The following FBN2 variants were observed in gnomAD, a reference collection of about 807,000 sequenced individuals.
FBN2 encodes the protein fibrillin-2.
In FBN2, 105 loss-of-function variants were observed where a neutral mutation model predicts 355.6. That is an observed-to-expected ratio of 0.30 (90% CI 0.25 to 0.35). The LOEUF is 0.35. Among genes scored for constraint, FBN2 ranks in the 10% least tolerant of loss-of-function variants. FBN2 has a pLI of 1.00. For missense variants in FBN2, 3,280 were observed against 3,758.7 expected, an observed-to-expected ratio of 0.87 and a Z score of 3.33; for synonymous variants, 1,350 against 1,301.2, an observed-to-expected ratio of 1.04 and a Z score of -0.81.
At chr5:128,291,797 T>C in intron 48 of FBN2, 143 bp from the exon 49 acceptor site, 1 of 895,644 alleles carries the variant, frequency 1.1e-6, no homozygotes, top group South Asian at 1.5e-5. Flanking sequence ...AAATAAACTA[T>C]TATTGCTTCA....
At chr5:128,260,188 T>C (rs771391229) in intron 64 of FBN2, among the ~76,000 whole-genome samples, 9 of 152,120 alleles carry the variant, frequency 5.9e-5, no homozygotes, top group Non-Finnish European at 1.2e-4. Context: ...AAAATTTAGG[T>C]AATGATTTTT....
At position 128,421,613 on chromosome 5, in the gene FBN2, A is replaced by T. The variant is rs77672096; in HGVS notation, c.953-12814T>A. Among the ~76,000 whole-genome samples the T allele has an allele frequency of 7.5e-3, 1,144 of 152,292 alleles. 11 individuals are homozygous for T. The highest frequency in any genetic ancestry group is 0.025 in the Admixed American group (379 of 15,290). On this transcript the variant is annotated intron_variant, in intron 7 of 64. Transcript: ENST00000262464. ...TGGGTATAGACAGTTGAAACCATCA[A>T]TGTGGATAAAATCAGTTGAGATGAA...
chr5:128,392,660 G>A (rs887991166), intron 10 of FBN2, among the ~76,000 whole-genome samples: 1 of 152,200 alleles, frequency 6.6e-6, no homozygotes, highest in Non-Finnish European at 1.5e-5. Context: ...GGAAAGATAT[G>A]TACGTTACAA....
chr5:128,273,943 A>C lies in FBN2; in HGVS notation c.7737T>G (p.Pro2579=). 1 of 1,614,014 alleles carries C rather than the reference A, an allele frequency of 6.2e-7. No homozygotes were observed. Among genetic ancestry groups the C allele is most frequent in the Non-Finnish European group, 8.5e-7 (1 of 1,179,930 alleles). ...AGATTCCCTTTGCTCCACAAAGCGAAGGTTGAGACCCACATTCGTTGTTGT... is the reference window on the plus strand; with the variant it reads ...AGATTCCCTTTGCTCCACAAAGCGACGGTTGAGACCCACATTCGTTGTTGT... ...CIDNNECGSQ[P]SLCGAKGICQ... The change falls in exon 61 of 65, where the codon CCT becomes CCG. Residue 2579 remains proline (P), a synonymous_variant. Coordinates refer to ENST00000262464, the MANE Select transcript of FBN2 (RefSeq NM_001999.4).
At position 128,330,621 on chromosome 5, in the gene FBN2, G is replaced by T; in HGVS notation, c.4297C>A (p.Arg1433Ser). 1.2e-6 allele frequency: 2 copies of T among 1,613,968 alleles called. No individual in the cohort carries two copies. The highest frequency in any genetic ancestry group is 1.7e-6 in the Non-Finnish European group (2 of 1,179,910). ...AQCVNTPGSY[R>S]CACSEGFTGD... ...GTGAAACCTTCGGAGCAGGCACAGC[G>T]GTATGAGCCCGGGGTATTTACACAC... The change falls in exon 33 of 65, where the codon CGC becomes AGC. Residue 1433 changes from arginine to serine, a missense_variant. By Grantham distance (110) the Arg-to-Ser change is moderately radical (BLOSUM62 -1). This residue lies in a region of FBN2 where 2,284 missense variants were observed against 2,749.5 expected (regional missense o/e 0.83). Transcript: ENST00000262464.
At chr5:128,286,033 G>T (rs1187626985) in intron 55 of FBN2, among the ~76,000 whole-genome samples, 2 of 152,098 alleles carry the variant, frequency 1.3e-5, no homozygotes, top group South Asian at 2.1e-4. Context: ...TTAGCATTTT[G>T]CCCTGTGCTA....
intron 5 of FBN2, among the ~76,000 whole-genome samples, chr5:128,515,356 C>T (rs1756253105): frequency 1.3e-5 from 2 of 152,184 alleles, no homozygotes; most frequent in Admixed American, 1.3e-4. Flanking sequence ...TTGTCATCAT[C>T]ATCTTCCCAC....
At chr5:128,522,803 A>G (rs2112792441) in intron 4 of FBN2, among the ~76,000 whole-genome samples, 1 of 152,334 alleles carries the variant, frequency 6.6e-6, no homozygotes, top group East Asian at 1.9e-4. Context: ...GAGTCAGAAA[A>G]AAATTGGAAA....
chr5:128,489,375 T>C (rs1320594462), intron 5 of FBN2, among the ~76,000 whole-genome samples: 1 of 152,224 alleles, frequency 6.6e-6, no homozygotes, highest in Non-Finnish European at 1.5e-5. Flanking sequence ...TTATTTGGAA[T>C]TTTTGTCTTT....
chr5:128,462,788 G>A lies in FBN2; in HGVS notation c.826+1936C>T, dbSNP rs561911131. Among the ~76,000 whole-genome samples the A allele has an allele frequency of 2.3e-4, 35 of 152,244 alleles. 1 individual carries two copies. In the Middle Eastern group the frequency reaches 0.024, roughly 104 times the overall value. ...AAAGTCAATAATTTGGAATGTTTTG[G>A]TTGAAGTTAAAGGCTTTTCTTAACC... On this transcript the variant is annotated intron_variant, in intron 6 of 64. Transcript: ENST00000262464.
At chr5:128,272,263 AGG>A in intron 61 of FBN2, 145 bp from the exon 62 acceptor site, 2 of 924,724 alleles carry the variant, frequency 2.2e-6, no homozygotes, top group East Asian at 5.3e-5. Context: ...TCATTTTTCC[AGG>A]TCACATGGTT....
intron 2 of FBN2, among the ~76,000 whole-genome samples, chr5:128,532,055 G>C (rs1756724089): frequency 1.3e-5 from 2 of 152,244 alleles, no homozygotes; most frequent in East Asian, 1.9e-4. Context: ...CTTCACAGGA[G>C]ACAGACAACA....
chr5:128,420,521 T>C (rs1013783224), intron 7 of FBN2, among the ~76,000 whole-genome samples: 28 of 152,188 alleles, frequency 1.8e-4, no homozygotes, highest in African/African-American at 5.8e-4. Flanking sequence ...AAAAAACAAA[T>C]GTTAGCTTTA....
At chr5:128,496,813 A>G (rs913766614) in intron 5 of FBN2, among the ~76,000 whole-genome samples, 10 of 151,864 alleles carry the variant, frequency 6.6e-5, no homozygotes, top group African/African-American at 2.4e-4. Context: ...AAAATCCTAA[A>G]TTATCCATTG....
chr5:128,392,306 C>A, intron 10 of FBN2, 151 bp from the exon 11 acceptor site: 1 of 704,616 alleles, frequency 1.4e-6, no homozygotes. Flanking sequence ...TGTGGAGAAT[C>A]TAAAAAATAT....
intron 7 of FBN2, among the ~76,000 whole-genome samples, chr5:128,429,596 A>G (rs1049810903): frequency 6.6e-6 from 1 of 152,196 alleles, no homozygotes; most frequent in African/African-American, 2.4e-5. Context: ...TTTGTGGAAA[A>G]AAACATCAAA....
intron 62 of FBN2, among the ~76,000 whole-genome samples, chr5:128,270,570 T>C (rs1765243476): frequency 6.6e-6 from 1 of 152,026 alleles, no homozygotes; most frequent in African/African-American, 2.4e-5. Context: ...GGCAATATCA[T>C]CATTCAGGAC....
At chr5:128,290,482 G>A (rs1174696718) in intron 50 of FBN2, among the ~76,000 whole-genome samples, 1 of 152,216 alleles carries the variant, frequency 6.6e-6, no homozygotes, top group African/African-American at 2.4e-5. Context: ...TCGTACTTTT[G>A]AAAGCAAGTA....
At chr5:128,524,299 T>C (rs931724522) in intron 4 of FBN2, among the ~76,000 whole-genome samples, 5 of 152,110 alleles carry the variant, frequency 3.3e-5, no homozygotes, top group African/African-American at 7.2e-5. Flanking sequence ...TGATGTAAAA[T>C]AGCAGACAAC....
Sources: allele counts gnomAD v4.1 joint callset (sites outside exome capture counted in the v4.1 genomes callset), GRCh38; gene constraint gnomAD v4.1.1; regional missense constraint gnomAD v4.1.1; transcripts MANE v1.5; gene names NCBI Gene and HGNC (gene_info 2026-07-23, HGNC 2026-07-21).